Variants in SCN1A observed in about 807,000 individuals in gnomAD.
The protein encoded by SCN1A is sodium voltage-gated channel alpha subunit 1, also known as sodium channel protein type 1 subunit alpha.
Under a neutral mutation model 193.7 loss-of-function variants are expected in SCN1A, and 13 were observed. The ratio of observed to expected loss-of-function variants is 0.07; its 90% confidence interval spans 0.04 to 0.11. The LOEUF is 0.11. Ranked by LOEUF, SCN1A falls within the 10% of genes least tolerant of loss-of-function variation. The probability of loss-of-function intolerance (pLI) is 1.00; values close to 1 mark genes in which losing one functional copy is unlikely to be tolerated. For missense variants in SCN1A, 1,432 were observed against 2,451.1 expected, an observed-to-expected ratio of 0.58 and a Z score of 8.78; for synonymous variants, 781 against 843.6, an observed-to-expected ratio of 0.93 and a Z score of 1.29.
At chr2:166,106,861 A>G (rs1478954554) in intron 2 of SCN1A, among the ~76,000 whole-genome samples, 3 of 152,172 alleles carry the variant, frequency 2.0e-5, no homozygotes, top group Non-Finnish European at 4.4e-5. Flanking sequence ...CTCTACTGAC[A>G]AAGAGTAACG....
chr2:166,024,636 A>AT, intron 19 of SCN1A, among the ~76,000 whole-genome samples: 1 of 152,156 alleles, frequency 6.6e-6, no homozygotes, highest in African/African-American at 2.4e-5. Context: ...TTCCAGTTAT[A>AT]TTTTTTATGA....
intron 2 of SCN1A, among the ~76,000 whole-genome samples, chr2:166,079,898 C>A (rs902314716): frequency 1.3e-5 from 2 of 151,190 alleles, no homozygotes; most frequent in Non-Finnish European, 3.0e-5. Flanking sequence ...ATTTTTTTAA[C>A]TCTAAGTAGA....
intron 5 of SCN1A, among the ~76,000 whole-genome samples, chr2:166,057,572 G>A (rs937796447): frequency 3.3e-5 from 5 of 151,856 alleles, no homozygotes; most frequent in Non-Finnish European, 5.9e-5. Context: ...ACATGATGGC[G>A]CTAGGAATAC....
At position 166,114,870 on chromosome 2, in the gene SCN1A, T is replaced by A. The variant is rs79087923; in HGVS notation, c.-142+12054A>T. Reference sequence around the variant, plus strand: ...ATTATTCAAACAGGAAGAGAAATGGTTTAGAGCAAAATATTAACATGTTAA... The same window carrying A: ...ATTATTCAAACAGGAAGAGAAATGGATTAGAGCAAAATATTAACATGTTAA... On this transcript the variant is annotated intron_variant, in intron 2 of 28. Coordinates refer to ENST00000674923, the MANE Select transcript of SCN1A (RefSeq NM_001165963.4). Among the ~76,000 whole-genome samples, 589 of 152,222 alleles carry A rather than the reference T, an allele frequency of 3.9e-3. 5 individuals carry two copies. The highest frequency in any genetic ancestry group is 0.013 in the African/African-American group (547 of 41,546).
At chr2:166,110,582 G>T (rs1559349462) in intron 2 of SCN1A, among the ~76,000 whole-genome samples, 1 of 152,172 alleles carries the variant, frequency 6.6e-6, no homozygotes, top group Non-Finnish European at 1.5e-5. Context: ...CAGAAGAAAA[G>T]TTTGAAGTTA....
At chr2:166,123,978 A>C (rs182399181) in intron 2 of SCN1A, among the ~76,000 whole-genome samples, 355 of 152,264 alleles carry the variant, frequency 2.3e-3, no homozygotes, top group African/African-American at 8.1e-3. Flanking sequence ...TGGCCTCATT[A>C]GATTTCTGCT....
intron 25 of SCN1A, among the ~76,000 whole-genome samples, chr2:165,998,787 C>A (rs116796743): frequency 6.6e-6 from 1 of 151,152 alleles, no homozygotes; most frequent in Non-Finnish European, 1.5e-5. Flanking sequence ...GATTCATGTC[C>A]TTCTAAAAGC....
At chr2:166,025,630 G>T (rs567133330) in intron 19 of SCN1A, among the ~76,000 whole-genome samples, 6 of 152,248 alleles carry the variant, frequency 3.9e-5, no homozygotes, top group African/African-American at 1.4e-4. Flanking sequence ...GTGTCATTGA[G>T]ATCATCTTAG....
intron 3 of SCN1A, among the ~76,000 whole-genome samples, chr2:166,075,001 T>G (rs960758220): frequency 6.6e-6 from 1 of 152,184 alleles, no homozygotes; most frequent in Non-Finnish European, 1.5e-5. Flanking sequence ...ATTTAGTACC[T>G]GCAAGAATAG....
At chr2:166,043,405 T>C (rs2105840092) in intron 14 of SCN1A, among the ~76,000 whole-genome samples, 1 of 152,364 alleles carries the variant, frequency 6.6e-6, no homozygotes, top group African/African-American at 2.4e-5. Flanking sequence ...TGTGGGTATA[T>C]AGCAAATCCT....
chr2:166,011,779 TGTC>T (rs1426006669), intron 22 of SCN1A, among the ~76,000 whole-genome samples: 3 of 151,152 alleles, frequency 2.0e-5, no homozygotes, highest in Admixed American at 6.6e-5. Flanking sequence ...AACTTGAGTC[TGTC>T]TGACTCACAA....
Position 165,991,989 on chromosome 2 carries a change from T to C in SCN1A, c.5286A>G (p.Gly1762=), listed in dbSNP as rs150570058. ...VKGDCGNPSV[G]IFFFVSYIII... is the part of the protein sequence containing the mutation. Reference sequence around the variant, plus strand: ...TGATGTAACTGACAAAAAAGAAAATTCCAACAGATGGGTTCCCACAGTCTC... The same window carrying C: ...TGATGTAACTGACAAAAAAGAAAATCCCAACAGATGGGTTCCCACAGTCTC... Residue 1762 remains glycine (G), a synonymous_variant, in exon 29 of 29, where the codon GGA becomes GGG. Transcript: ENST00000674923. 320 of 1,613,830 alleles carry C rather than the reference T, an allele frequency of 2.0e-4. 3 individuals are homozygous for C. The Admixed American group carries it at 4.5e-3, about 23-fold the overall frequency.
At position 165,990,092 on chromosome 2, in the gene SCN1A, A is replaced by G. The variant is rs1218142562; in HGVS notation, c.*1153T>C. The G allele has an allele frequency of 6.6e-6, 1 of 152,622 alleles. No individual in the cohort carries two copies. Among genetic ancestry groups the G allele is most frequent in the Non-Finnish European group, 1.5e-5 (1 of 68,038 alleles). The allele number at this position is 152,622 out of a possible 1,614,324, so 9.5% of individuals were successfully genotyped here. A position where few individuals can be genotyped will look rare whatever the true frequency, so the allele number is the denominator to read the frequency against. On this transcript the variant is annotated 3_prime_UTR_variant, in exon 29 of 29. Coordinates refer to ENST00000674923, the MANE Select transcript of SCN1A (RefSeq NM_001165963.4). ...AAACCAGATACAGCAGCATGGTAAT[A>G]TAAACATGCATTGATAGCATCCAAA...
At position 165,985,945 on chromosome 2, in the gene SCN1A, C is replaced by G. The variant is rs1688582339; in HGVS notation, c.*5300G>C. The G allele has an allele frequency of 6.6e-6, 1 of 152,090 alleles. No individual in the cohort carries two copies. Among genetic ancestry groups the G allele is most frequent in the Admixed American group, 6.5e-5 (1 of 15,274 alleles). The allele number at this position is 152,090 out of a possible 1,614,324, so 9.4% of individuals were successfully genotyped here. A position where few individuals can be genotyped will look rare whatever the true frequency, so the allele number is the denominator to read the frequency against. The stretch of plus-strand genomic sequence containing the variant: ...AGTTTATATAGTTCGAGTGTCTGGG[C>G]TTTGTGATACAGATATACAAACATA... On this transcript the variant is annotated 3_prime_UTR_variant, in exon 29 of 29. Coordinates refer to ENST00000674923, the MANE Select transcript of SCN1A (RefSeq NM_001165963.4).
intron 4 of SCN1A, among the ~76,000 whole-genome samples, chr2:166,065,639 C>T (rs571391122): frequency 6.6e-6 from 1 of 152,112 alleles, no homozygotes; most frequent in South Asian, 2.1e-4. Flanking sequence ...TTTTTCCTTC[C>T]AACCAGTGAT....
chr2:166,100,650 TCAAA>T (rs1451202085), intron 2 of SCN1A, among the ~76,000 whole-genome samples: 6 of 146,004 alleles, frequency 4.1e-5, no homozygotes, highest in African/African-American at 1.5e-4. Flanking sequence ...TACAATGAAC[TCAAA>T]CAAATTTACA....
intron 3 of SCN1A, among the ~76,000 whole-genome samples, chr2:166,076,583 C>T (rs1362284122): frequency 1.3e-5 from 2 of 151,852 alleles, no homozygotes; most frequent in Non-Finnish European, 2.9e-5. Flanking sequence ...AAAGAGCCAA[C>T]ACAATGTTGA....
At chr2:166,113,987 T>C (rs1206881538) in intron 2 of SCN1A, among the ~76,000 whole-genome samples, 2 of 148,278 alleles carry the variant, frequency 1.3e-5, no homozygotes, top group East Asian at 1.9e-4. Flanking sequence ...TAATTCTCTT[T>C]CTTAGATAAT....
At chr2:166,137,274 T>G (rs574326681) in intron 1 of SCN1A, among the ~76,000 whole-genome samples, 1 of 152,242 alleles carries the variant, frequency 6.6e-6, no homozygotes, top group Non-Finnish European at 1.5e-5. Context: ...TTTACAGAGA[T>G]GAACAAAAAT....
Sources: allele counts gnomAD v4.1 joint callset (sites outside exome capture counted in the v4.1 genomes callset), GRCh38; gene constraint gnomAD v4.1.1; transcripts MANE v1.5; gene names NCBI Gene and HGNC (gene_info 2026-07-23, HGNC 2026-07-21).